Variants in GIT1 observed in about 807,000 individuals in gnomAD.
GIT1 encodes the protein ARF GTPase-activating protein GIT1.
GIT1 carries 14 observed loss-of-function variants against 91.7 expected under a neutral mutation model. The observed-to-expected ratio is 0.15, with a 90% CI of 0.10 to 0.24. The LOEUF is 0.24. Ranked by LOEUF, GIT1 falls within the 10% of genes least tolerant of loss-of-function variation. The pLI, the probability that GIT1 is intolerant of heterozygous loss-of-function variation, is 1.00. For synonymous variants in GIT1, 414 were observed against 418.2 expected, an observed-to-expected ratio of 0.99 and a Z score of 0.12; for missense variants, 717 against 1,024.9, an observed-to-expected ratio of 0.70 and a Z score of 4.10.
intron 1 of GIT1, among the ~76,000 whole-genome samples, chr17:29,588,214 G>A (rs897341081): frequency 6.6e-6 from 1 of 152,192 alleles, no homozygotes; most frequent in Non-Finnish European, 1.5e-5. Flanking sequence ...TCTTAATCAT[G>A]CCCACAGCCC....
chr17:29,575,188 G>T lies in GIT1; in HGVS notation c.2010-46C>A. On this transcript the variant is annotated intron_variant, in intron 18 of 19. Transcript: ENST00000225394. The surrounding 1 kb of genome is among the most constrained non-coding windows in gnomAD (Gnocchi z 5.5). The stretch of plus-strand genomic sequence containing the variant: ...ATAAAGCAGGGGGCTCTCAAGGGAG[G>T]TTCCCAGGGACAGCAGAACCCAGGG... 2 of 1,564,114 alleles carry T rather than the reference G, an allele frequency of 1.3e-6. No individual in the cohort carries two copies. Among genetic ancestry groups the T allele is most frequent in the Non-Finnish European group, 1.7e-6 (2 of 1,147,240 alleles).
rs748813318 is a variant in GIT1 at position 29,574,928 on chromosome 17, G to A, written c.2074-14C>T. 7 of 1,550,112 alleles carry A rather than the reference G, an allele frequency of 4.5e-6. No individual in the cohort carries two copies. The African/African-American group carries it at 8.2e-5, about 18-fold the overall frequency. On this transcript the variant is annotated splice_polypyrimidine_tract_variant and intron_variant, in intron 19 of 19. Transcript: ENST00000225394. ...CAGGGCTGGCCTCTGGAGGGGGCAG[G>A]AGTGAGGCTGGACCTTGGACTTTAA... is the stretch of plus-strand genomic sequence containing the variant.
chr17:29,576,962 G>A lies in GIT1; in HGVS notation c.1128C>T (p.Asp376=). The A allele has an allele frequency of 6.2e-7, 1 of 1,601,910 alleles. No individual in the cohort carries two copies. The highest frequency in any genetic ancestry group is 8.5e-7 in the Non-Finnish European group (1 of 1,178,902). The change falls in exon 12 of 20, where the codon GAC becomes GAT. Residue 376 remains aspartate (D), a synonymous_variant. Coordinates refer to ENST00000225394, the MANE Select transcript of GIT1 (RefSeq NM_014030.4). ...NLELSLRSQS[D]LDDQHDYDSV... is the part of the protein sequence containing the mutation. The stretch of plus-strand genomic sequence containing the variant: ...TGTCGTAGTCGTGTTGGTCGTCGAG[G>A]TCACTCTGGCTCCGCAGAGACAGCT...
chr17:29,580,906 G>A (rs976667291), intron 7 of GIT1: 9 of 198,334 alleles, frequency 4.5e-5, no homozygotes, highest in South Asian at 1.8e-4. Flanking sequence ...TCAGCCTCCC[G>A]AGTAGCTGAG....
Position 29,581,500 on chromosome 17 carries a change from G to A in GIT1, c.719-120C>T. 1.2e-6 allele frequency: 1 copy of A among 844,264 alleles called. No homozygotes were observed. The highest frequency in any genetic ancestry group is 2.0e-6 in the Non-Finnish European group (1 of 499,314). The allele number at this position is 844,264 out of a possible 1,614,324, so 52.3% of individuals were successfully genotyped here. The stretch of plus-strand genomic sequence containing the variant: ...AGAAGTGTCAGGGGAAAGTGGGGAG[G>A]GCAGGCCACCCCCAAGAATGCTGGG... On this transcript the variant is annotated intron_variant, in intron 6 of 19. Transcript: ENST00000225394. This position sits in a 1 kb window ranked among gnomAD's most constrained non-coding sequence, Gnocchi z 4.8.
In GIT1 at chr17:29,575,912, C is replaced by T; in HGVS notation, c.1666-14G>A. 6.3e-7 allele frequency: 1 copy of T among 1,599,122 alleles called. No homozygotes were observed. ...CCCTTTCCGGATCTGAAACCCAGGG[C>T]AGCGCTGGATGGAGTCAGTGTGCCC... On this transcript the variant is annotated splice_polypyrimidine_tract_variant and intron_variant, in intron 15 of 19. Coordinates refer to ENST00000225394, the MANE Select transcript of GIT1 (RefSeq NM_014030.4). This position sits in a 1 kb window ranked among gnomAD's most constrained non-coding sequence, Gnocchi z 5.5.
intron 4 of GIT1, 30 bp from the exon 5 acceptor site, chr17:29,582,174 G>A (rs1194639822): frequency 2.0e-6 from 3 of 1,479,816 alleles, no homozygotes; most frequent in East Asian, 2.5e-5. Context: ...CAGTGAATAC[G>A]CATGTGCGTG....
intron 3 of GIT1, 46 bp downstream of exon 3, chr17:29,582,879 C>G: frequency 2.6e-6 from 4 of 1,558,366 alleles, no homozygotes; most frequent in Non-Finnish European, 3.5e-6. Context: ...AGGGCCCTGT[C>G]CCGGACTGCG....
Position 29,576,075 on chromosome 17 carries a change from T to C in GIT1, c.1665+3A>G, listed in dbSNP as rs1567768812. ...AAGATGGACACGCCTTCCCCAGGCT[T>C]ACCCGGTAAAGGCCAGCAGGGACGT... On this transcript the variant is annotated splice_donor_region_variant and intron_variant, in intron 15 of 19. Transcript: ENST00000225394. The C allele has an allele frequency of 6.2e-7, 1 of 1,613,456 alleles. No individual in the cohort carries two copies. Among genetic ancestry groups the C allele is most frequent in the Non-Finnish European group, 8.5e-7 (1 of 1,179,638 alleles).
Position 29,576,549 on chromosome 17 carries a change from G to A in GIT1, c.1353C>T (p.Ser451=), listed in dbSNP as rs773939231. Residue 451 remains serine (S), a synonymous_variant, in exon 13 of 20, where the codon AGC becomes AGT. Transcript: ENST00000225394. ...CTCGCTGCAGCCTCCGGAGCTCGTC[G>A]CTCAGGCTACTGTTGACCTTCATGA... The part of the protein sequence containing the change: ...QQLMKVNSSL[S]DELRRLQREI... The A allele has an allele frequency of 6.8e-6, 11 of 1,613,792 alleles. No homozygotes were observed. Among genetic ancestry groups the A allele is most frequent in the Non-Finnish European group, 8.5e-6 (10 of 1,180,008 alleles).
Position 29,575,835 on chromosome 17 carries a change from A to T in GIT1, c.1729T>A (p.Ser577Thr), listed in dbSNP as rs1377878194. 1 of 1,612,300 alleles carries T rather than the reference A, an allele frequency of 6.2e-7. No homozygotes were observed. The highest frequency in any genetic ancestry group is 8.5e-7 in the Non-Finnish European group (1 of 1,179,326). The stretch of plus-strand genomic sequence containing the variant: ...ACCGTGTGGCGGCTTCCCTCCTGGG[A>T]GCAGGACAGCAGCGGGGAGGAGGGA... Reference protein sequence around the residue: ...FTPSSPLLSCSQEGSRHTSKL... With the variant: ...FTPSSPLLSCTQEGSRHTSKL... The change falls in exon 16 of 20, where the codon TCC (serine) becomes ACC (threonine). Residue 577 changes from serine (S) to threonine (T), a missense_variant. This residue lies in a region of GIT1 where 312 missense variants were observed against 349.5 expected (regional missense o/e 0.89). Coordinates refer to ENST00000225394, the MANE Select transcript of GIT1 (RefSeq NM_014030.4). The surrounding 1 kb of genome is among the most constrained non-coding windows in gnomAD (Gnocchi z 5.5).
At chr17:29,579,292 T>C (rs1258708899) in intron 7 of GIT1, 7 of 458,848 alleles carry the variant, frequency 1.5e-5, no homozygotes, top group Non-Finnish European at 2.3e-5. Flanking sequence ...GCCTGGGCTT[T>C]GTAAGTTTCT....
Position 29,581,698 on chromosome 17 carries a change from C to A in GIT1, c.718+44G>T. 6.6e-7 allele frequency: 1 copy of A among 1,507,208 alleles called. No homozygotes were observed. 93.4% of individuals were successfully genotyped at this position (1,507,208 alleles called of 1,614,324 possible). A position where few individuals can be genotyped will look rare whatever the true frequency, so the allele number is the denominator to read the frequency against. On this transcript the variant is annotated intron_variant, in intron 6 of 19. Transcript: ENST00000225394. This position sits in a 1 kb window ranked among gnomAD's most constrained non-coding sequence, Gnocchi z 4.8. ...CGTCCAGGTCCCACCTGCCCAGCCC[C>A]AGCCAGGCCTGTCACAGCCAGGCGC...
At chr17:29,577,598 G>T in intron 10 of GIT1, 47 bp downstream of exon 10, 2 of 1,217,254 alleles carry the variant, frequency 1.6e-6, no homozygotes, top group Non-Finnish European at 2.4e-6. Context: ...AGGAGGGACC[G>T]CGGGGATGAA....
chr17:29,585,892 G>A (rs1178904863), intron 1 of GIT1, among the ~76,000 whole-genome samples: 2 of 152,312 alleles, frequency 1.3e-5, no homozygotes, highest in East Asian at 3.9e-4. Flanking sequence ...TGGAGAGGTA[G>A]CAGGCGTGAT....
rs563819250 is a variant in GIT1, at chr17:29,579,700, G to A, written c.762-921C>T. Among the ~76,000 whole-genome samples, 7 of 152,018 alleles carry A rather than the reference G, an allele frequency of 4.6e-5. No individual in the cohort carries two copies. The South Asian group carries it at 8.3e-4, about 18-fold the overall frequency. On this transcript the variant is annotated intron_variant, in intron 7 of 19. Coordinates refer to ENST00000225394, the MANE Select transcript of GIT1 (RefSeq NM_014030.4). Reference sequence around the variant, plus strand: ...ATCAAGCCACCGCACTCCAGCCTGGGCAACAGAGCGAGACCCCAACTCTTA... The same window carrying A: ...ATCAAGCCACCGCACTCCAGCCTGGACAACAGAGCGAGACCCCAACTCTTA...
At chr17:29,584,201 C>A (rs987435381) in intron 1 of GIT1, among the ~76,000 whole-genome samples, 2 of 152,208 alleles carry the variant, frequency 1.3e-5, no homozygotes, top group East Asian at 3.8e-4. Context: ...CCACTAGGTA[C>A]CAGCTGGGTA....
At chr17:29,585,819 G>A (rs2033574874) in intron 1 of GIT1, among the ~76,000 whole-genome samples, 1 of 152,196 alleles carries the variant, frequency 6.6e-6, no homozygotes, top group Admixed American at 6.5e-5. Context: ...GGAACTGTAA[G>A]GGAACTCGTC....
chr17:29,575,012 T>C lies in GIT1; in HGVS notation c.2073+67A>G, dbSNP rs772065396. On this transcript the variant is annotated intron_variant, in intron 19 of 19. Coordinates refer to ENST00000225394, the MANE Select transcript of GIT1 (RefSeq NM_014030.4). This position sits in a 1 kb window ranked among gnomAD's most constrained non-coding sequence, Gnocchi z 5.5. Reference sequence around the variant, plus strand: ...TGTCTCCACCCAGGTAGCGATCAGATGGGATTCTCCACGCCTGCCCCAGCT... The same window carrying C: ...TGTCTCCACCCAGGTAGCGATCAGACGGGATTCTCCACGCCTGCCCCAGCT... The C allele has an allele frequency of 6.7e-7, 1 of 1,482,664 alleles. No individual in the cohort carries two copies. Among genetic ancestry groups the C allele is most frequent in the Admixed American group, 1.8e-5 (1 of 54,124 alleles). 91.8% of individuals were successfully genotyped at this position (1,482,664 alleles called of 1,614,324 possible).
Sources: gnomAD v4.1 joint callset for allele counts (sites outside exome capture counted in the v4.1 genomes callset) on GRCh38, gnomAD v4.1.1 for gene constraint, gnomAD v4.1.1 regional missense constraint, Gnocchi (gnomAD v3.1) non-coding constraint, MANE v1.5 for transcripts, NCBI Gene and HGNC (gene_info 2026-07-23, HGNC 2026-07-21) for gene names.